Variants in ITGBL1 observed in about 807,000 individuals in gnomAD.
ITGBL1 encodes integrin beta-like protein 1.
A neutral mutation model predicts 68.5 loss-of-function variants in ITGBL1; 51 were observed. That is an observed-to-expected ratio of 0.74 (90% CI 0.59 to 0.94). The LOEUF is 0.94. ITGBL1 is among the 40% of genes least tolerant of loss of function. The probability of loss-of-function intolerance (pLI) is 0.00; values close to 1 mark genes in which losing one functional copy is unlikely to be tolerated. For synonymous variants in ITGBL1, 209 were observed against 227.3 expected (o/e 0.92, Z 0.72); for missense variants, 649 against 647.4 (o/e 1.00, Z -0.03).
At chr13:101,474,380 G>A (rs1291413770) in intron 2 of ITGBL1, among the ~76,000 whole-genome samples, 1 of 152,136 alleles carries the variant, frequency 6.6e-6, no homozygotes, top group Non-Finnish European at 1.5e-5. Flanking sequence ...TTTGCAGCTT[G>A]GGTGCCAACT....
chr13:101,521,427 C>T (rs1383224744), intron 2 of ITGBL1, among the ~76,000 whole-genome samples: 2 of 151,980 alleles, frequency 1.3e-5, no homozygotes, highest in Admixed American at 6.6e-5. Flanking sequence ...ATTTTTGGGC[C>T]GATGAGAAGC....
chr13:101,491,154 C>T (rs943329656), intron 2 of ITGBL1, among the ~76,000 whole-genome samples: 3 of 152,150 alleles, frequency 2.0e-5, no homozygotes, highest in African/African-American at 7.2e-5. Flanking sequence ...CTTAATGAAA[C>T]TCTGTCTGCT....
chr13:101,708,060 C>CAT (rs1206876467), intron 9 of ITGBL1, among the ~76,000 whole-genome samples: 3 of 144,254 alleles, frequency 2.1e-5, no homozygotes, highest in South Asian at 4.3e-4. Flanking sequence ...CACACACACA[C>CAT]ACACACACAT....
chr13:101,453,950 C>T lies in ITGBL1; in HGVS notation c.166C>T (p.Gln56Ter), dbSNP rs2048200587. 2.7e-6 allele frequency: 4 copies of T among 1,478,190 alleles called. No homozygotes were observed. The highest frequency in any genetic ancestry group is 4.5e-5 in the Admixed American group (2 of 44,740). 91.6% of individuals were successfully genotyped at this position (1,478,190 alleles called of 1,614,324 possible). A position where few individuals can be genotyped will look rare whatever the true frequency, so the allele number is the denominator to read the frequency against. Reference sequence around the variant, plus strand: ...GGAGCGACGCTGCCGCGCACCTGGGCAGCCCCCGGGGGCCGCGCTGTGCCA... The same window carrying T: ...GGAGCGACGCTGCCGCGCACCTGGGTAGCCCCCGGGGGCCGCGCTGTGCCA... ...ESERRCRAPG[Q>*]PPGAALCHGR... The change falls in exon 2 of 11, where the codon CAG (glutamine) becomes TAG (stop). Residue 56 changes from glutamine to a stop codon, truncating the protein, a stop_gained. Coordinates refer to ENST00000376180, the MANE Select transcript of ITGBL1 (RefSeq NM_004791.3). LOFTEE classifies it high-confidence loss of function.
chr13:101,570,331 A>G (rs1471921140), intron 3 of ITGBL1, among the ~76,000 whole-genome samples: 1 of 151,856 alleles, frequency 6.6e-6, no homozygotes, highest in East Asian at 1.9e-4. Flanking sequence ...TTGTTTTTGC[A>G]ATTCTTTACT....
chr13:101,473,025 T>C (rs2048484330), intron 2 of ITGBL1, among the ~76,000 whole-genome samples: 1 of 152,182 alleles, frequency 6.6e-6, no homozygotes, highest in East Asian at 1.9e-4. Flanking sequence ...AACTACTATT[T>C]ATAAGATGCT....
At chr13:101,482,005 AGTT>A (rs1438716974) in intron 2 of ITGBL1, among the ~76,000 whole-genome samples, 1 of 152,112 alleles carries the variant, frequency 6.6e-6, no homozygotes, top group African/African-American at 2.4e-5. Context: ...AATGAGGGGC[AGTT>A]GTTCATGAAA....
chr13:101,663,840 C>A (rs937248869), intron 7 of ITGBL1, among the ~76,000 whole-genome samples: 18 of 151,990 alleles, frequency 1.2e-4, no homozygotes, highest in African/African-American at 3.9e-4. Flanking sequence ...AATTTAAAAA[C>A]CATGAAAGAA....
downstream of ITGBL1, chr13:101,716,490 G>A (rs969281322): frequency 4.6e-5 from 7 of 152,052 alleles, no homozygotes; most frequent in African/African-American, 1.7e-4. Flanking sequence ...AAAATGAATT[G>A]TTATTCAGGG....
At chr13:101,662,863 C>T (rs1038718170) in intron 7 of ITGBL1, among the ~76,000 whole-genome samples, 5 of 151,852 alleles carry the variant, frequency 3.3e-5, no homozygotes, top group African/African-American at 1.2e-4. Flanking sequence ...AGTGTCTGAA[C>T]TATTTCCATG....
intron 2 of ITGBL1, among the ~76,000 whole-genome samples, chr13:101,493,577 C>T (rs983368862): frequency 6.6e-6 from 1 of 152,148 alleles, no homozygotes; most frequent in Non-Finnish European, 1.5e-5. Context: ...AACTCTCCTC[C>T]TGAGTGATAT....
intron 2 of ITGBL1, among the ~76,000 whole-genome samples, chr13:101,566,869 C>G (rs1255309098): frequency 6.6e-6 from 1 of 152,160 alleles, no homozygotes; most frequent in Non-Finnish European, 1.5e-5. Flanking sequence ...AGGTCATAGA[C>G]TTTATCGCTC....
intron 2 of ITGBL1, among the ~76,000 whole-genome samples, chr13:101,511,235 A>T (rs1029382466): frequency 1.3e-5 from 2 of 152,124 alleles, no homozygotes; most frequent in African/African-American, 4.8e-5. Context: ...AGAAAGAGAG[A>T]TGACTTTAAT....
chr13:101,536,968 T>C (rs961099464), intron 2 of ITGBL1, among the ~76,000 whole-genome samples: 4 of 152,068 alleles, frequency 2.6e-5, no homozygotes, highest in Non-Finnish European at 5.9e-5. Flanking sequence ...ATCTCTACTT[T>C]GAGAAGGATG....
In ITGBL1 at chr13:101,604,862, A is replaced by ATG. The variant is rs1350493239; in HGVS notation, c.1015+6564_1015+6565insGT. On this transcript the variant is annotated intron_variant, in intron 7 of 10. Coordinates refer to ENST00000376180, the MANE Select transcript of ITGBL1 (RefSeq NM_004791.3). Reference sequence around the variant, plus strand: ...GTGAAGGCAATATATATATATATATATATATATATATATATATATATATAT... The same window carrying ATG: ...GTGAAGGCAATATATATATATATATATGTATATATATATATATATATATATAT... Among the ~76,000 whole-genome samples the ATG allele has an allele frequency of 4.5e-3, 97 of 21,750 alleles. 1 individual carries two copies. The highest frequency in any genetic ancestry group is 6.2e-3 in the Non-Finnish European group (62 of 9,932). 14.3% of individuals were successfully genotyped at this position (21,750 alleles called of 152,430 possible). A position where few individuals can be genotyped will look rare whatever the true frequency, so the allele number is the denominator to read the frequency against.
chr13:101,545,030 C>T (rs924475425), intron 2 of ITGBL1, among the ~76,000 whole-genome samples: 1 of 152,204 alleles, frequency 6.6e-6, no homozygotes, highest in African/African-American at 2.4e-5. Context: ...CCTGCTTCAG[C>T]TCACACTCGG....
downstream of ITGBL1, chr13:101,716,963 T>A (rs1381438789): frequency 2.0e-5 from 3 of 152,042 alleles, no homozygotes; most frequent in Non-Finnish European, 2.9e-5. Context: ...TACAGGTAAA[T>A]CTACTTATAC....
intron 7 of ITGBL1, among the ~76,000 whole-genome samples, chr13:101,673,978 C>T (rs1374072393): frequency 1.3e-5 from 2 of 152,148 alleles, no homozygotes; most frequent in Non-Finnish European, 2.9e-5. Flanking sequence ...GATTAGTCAG[C>T]AATGGTTTTA....
chr13:101,549,350 G>A (rs1032033175), intron 2 of ITGBL1, among the ~76,000 whole-genome samples: 3 of 151,782 alleles, frequency 2.0e-5, no homozygotes, highest in Non-Finnish European at 4.4e-5. Flanking sequence ...AAGCATAAGA[G>A]AATTTGATCA....
Sources: gnomAD v4.1 joint callset for allele counts (sites outside exome capture counted in the v4.1 genomes callset) on GRCh38, gnomAD v4.1.1 for gene constraint, MANE v1.5 for transcripts, NCBI Gene and HGNC (gene_info 2026-07-23, HGNC 2026-07-21) for gene names.